The following ZNG1B variants were observed in gnomAD, a reference collection of about 807,000 sequenced individuals.
ZNG1B encodes Zn regulated GTPase metalloprotein activator 1B, also known as zinc-regulated GTPase metalloprotein activator 1B.
At chr2:113,437,916 G>A in the ZNG1B span, 2 of 1,611,948 alleles carry the variant, frequency 1.2e-6, no homozygotes, top group Non-Finnish European at 1.7e-6. Context: ...ATCCTGCGGA[G>A]GAGGATTGTC....
chr2:113,445,029 T>G, the ZNG1B span: 2 of 1,610,572 alleles, frequency 1.2e-6, no homozygotes, highest in African/African-American at 2.7e-5. Context: ...TACATACTGT[T>G]AGAGACCACT....
the ZNG1B span, among the ~76,000 whole-genome samples, chr2:113,461,211 T>G: frequency 6.6e-6 from 1 of 151,056 alleles, no homozygotes; most frequent in African/African-American, 2.4e-5. Context: ...CATGCCCAGC[T>G]AATTTTTGCA....
chr2:113,471,435 CTTTA>C, the ZNG1B span, among the ~76,000 whole-genome samples: 1 of 151,118 alleles, frequency 6.6e-6, no homozygotes, highest in African/African-American at 2.4e-5. Context: ...ACTCTCTTCA[CTTTA>C]TTTTTTTATT....
the ZNG1B span, among the ~76,000 whole-genome samples, chr2:113,476,808 G>A: frequency 6.6e-6 from 1 of 152,230 alleles, no homozygotes; most frequent in African/African-American, 2.4e-5. Context: ...CTGCTAGGGA[G>A]TGCCTCCCAG....
chr2:113,462,034 T>C, the ZNG1B span, among the ~76,000 whole-genome samples: 1 of 152,248 alleles, frequency 6.6e-6, no homozygotes, highest in African/African-American at 2.4e-5. Flanking sequence ...ATATTGGATA[T>C]CTGAATTTTA....
the ZNG1B span, among the ~76,000 whole-genome samples, chr2:113,442,775 G>T: frequency 1.3e-5 from 2 of 152,130 alleles, no homozygotes; most frequent in African/African-American, 2.4e-5. Context: ...AAATACGTAA[G>T]TGTAAAACTA....
At chr2:113,472,170 G>A in the ZNG1B span, among the ~76,000 whole-genome samples, 4 of 150,960 alleles carry the variant, frequency 2.6e-5, no homozygotes, top group Non-Finnish European at 4.4e-5. Flanking sequence ...CTTAATGATT[G>A]CCATTCTAAC....
chr2:113,474,376 C>G, the ZNG1B span, among the ~76,000 whole-genome samples: 2 of 148,762 alleles, frequency 1.3e-5, no homozygotes, highest in Admixed American at 1.3e-4. Context: ...ATTCTTCTCT[C>G]TTTTTTTCTT....
the ZNG1B span, among the ~76,000 whole-genome samples, chr2:113,463,040 T>C: frequency 1.3e-5 from 2 of 150,812 alleles, no homozygotes; most frequent in Non-Finnish European, 2.9e-5. Context: ...CTGTCAACCA[T>C]GCCTTGTCTT....
chr2:113,444,956 T>A, the ZNG1B span: 1 of 1,609,888 alleles, frequency 6.2e-7, no homozygotes, highest in Admixed American at 1.7e-5. Flanking sequence ...TGTTTTGGTA[T>A]TCTCCAGGGA....
At chr2:113,456,642 G>A in the ZNG1B span, among the ~76,000 whole-genome samples, 1 of 151,520 alleles carries the variant, frequency 6.6e-6, no homozygotes, top group Non-Finnish European at 1.5e-5. Context: ...CACAGTAAAC[G>A]TTTAACCTCC....
the ZNG1B span, among the ~76,000 whole-genome samples, chr2:113,483,240 G>A: frequency 2.6e-5 from 4 of 151,078 alleles, no homozygotes; most frequent in African/African-American, 4.8e-5. Flanking sequence ...AGCAAACGCA[G>A]CGCTCACTTT....
At chr2:113,470,984 T>C in the ZNG1B span, 231 of 1,583,926 alleles carry the variant, frequency 1.5e-4, 1 homozygote, top group African/African-American at 3.0e-3. Flanking sequence ...ATTAATTGGA[T>C]GTATTTCACA....
the ZNG1B span, among the ~76,000 whole-genome samples, chr2:113,461,514 A>G: frequency 6.6e-6 from 1 of 152,192 alleles, no homozygotes; most frequent in Non-Finnish European, 1.5e-5. Context: ...CTTTCAGTGA[A>G]CTAAAGTGAA....
chr2:113,459,994 G>C, the ZNG1B span, among the ~76,000 whole-genome samples: 1 of 143,694 alleles, frequency 7.0e-6, no homozygotes, highest in Non-Finnish European at 1.5e-5. Context: ...TTTGGAGTTA[G>C]CCTGACTCTG....
the ZNG1B span, among the ~76,000 whole-genome samples, chr2:113,448,289 T>C: frequency 1.3e-5 from 2 of 152,312 alleles, no homozygotes; most frequent in Admixed American, 1.3e-4. Flanking sequence ...AATAATATTT[T>C]GAAGGAATCT....
the ZNG1B span, among the ~76,000 whole-genome samples, chr2:113,486,789 A>G: frequency 2.6e-5 from 4 of 152,244 alleles, no homozygotes; most frequent in Non-Finnish European, 5.9e-5. Context: ...CTTTAACAAT[A>G]AAGCAATTTG....
the ZNG1B span, among the ~76,000 whole-genome samples, chr2:113,473,355 G>A: frequency 6.8e-6 from 1 of 146,912 alleles, no homozygotes; most frequent in Non-Finnish European, 1.5e-5. Context: ...AGACTTTGCT[G>A]AAGTTGCTTA....
chr2:113,474,141 A>G, the ZNG1B span, among the ~76,000 whole-genome samples: 6 of 151,880 alleles, frequency 4.0e-5, no homozygotes, highest in Admixed American at 2.6e-4. Flanking sequence ...TTGGTAAGCT[A>G]TTGATTATTG....
Sources: gnomAD v4.1 joint callset for allele counts (sites outside exome capture counted in the v4.1 genomes callset) on GRCh38, gnomAD v4.1.1 for gene constraint, MANE v1.5 for transcripts, NCBI Gene and HGNC (gene_info 2026-07-23, HGNC 2026-07-21) for gene names.